The following TNIP1 variants were observed in gnomAD, a reference collection of about 807,000 sequenced individuals.
TNIP1 encodes the protein TNFAIP3-interacting protein 1.
TNIP1 carries 22 observed loss-of-function variants against 86.6 expected under a neutral mutation model. That is an observed-to-expected ratio of 0.25 (90% confidence interval 0.18 to 0.36). The LOEUF (loss-of-function observed/expected upper bound fraction) is 0.36, where lower values mean the gene tolerates loss of function less well. TNIP1 is among the 10% of genes least tolerant of loss of function. The pLI is 1.00. For synonymous variants in TNIP1, 294 were observed against 313.0 expected (o/e 0.94, Z 0.64); for missense variants, 709 against 820.6 (o/e 0.86, Z 1.66).
intron 1 of TNIP1, among the ~76,000 whole-genome samples, chr5:151,076,723 C>G (rs1763436524): frequency 6.6e-6 from 1 of 152,082 alleles, no homozygotes; most frequent in South Asian, 2.1e-4. Context: ...AAGGAAGAAC[C>G]CGGGCTGATG....
upstream of TNIP1, among the ~76,000 whole-genome samples, chr5:151,081,560 A>T (rs187753002): frequency 6.6e-6 from 1 of 152,198 alleles, no homozygotes. Context: ...TACCGCGAAC[A>T]TTTTTTGCTC....
chr5:151,035,849 C>T, intron 13 of TNIP1, 142 bp from the exon 14 acceptor site: 2 of 959,334 alleles, frequency 2.1e-6, no homozygotes, highest in South Asian at 3.3e-5. Context: ...AGCTACACCT[C>T]CAGCCTCCAC....
At chr5:151,042,985 C>G (rs754132997) in intron 9 of TNIP1, 24 bp from the exon 10 acceptor site, 2 of 1,613,296 alleles carry the variant, frequency 1.2e-6, no homozygotes, top group African/African-American at 2.7e-5. Context: ...CTGGAGTTAG[C>G]AGGAGATGAG....
chr5:151,070,872 A>G (rs1385182554), intron 1 of TNIP1, among the ~76,000 whole-genome samples: 1 of 152,002 alleles, frequency 6.6e-6, no homozygotes, highest in Admixed American at 6.5e-5. Flanking sequence ...GCCATTCCAC[A>G]TTTGTCCAAA....
chr5:151,062,299 G>T lies in TNIP1; in HGVS notation c.272-87C>A, dbSNP rs1449909796. 3 of 1,256,554 alleles carry T rather than the reference G, an allele frequency of 2.4e-6. No homozygotes were observed. The East Asian group carries it at 7.1e-5, about 30-fold the overall frequency. 77.8% of individuals were successfully genotyped at this position (1,256,554 alleles called of 1,614,324 possible). A position where few individuals can be genotyped will look rare whatever the true frequency, so the allele number is the denominator to read the frequency against. ...TCTCAAGGACAGCCCTTGACAAAAG[G>T]GTTCTCAGACAGGATTCCCCACTCG... On this transcript the variant is annotated intron_variant, in intron 3 of 17. Transcript: ENST00000521591.
chr5:151,035,082 G>A lies in TNIP1; in HGVS notation c.1522-15C>T. The A allele has an allele frequency of 1.2e-6, 2 of 1,612,544 alleles. No homozygotes were observed. The highest frequency in any genetic ancestry group is 1.7e-6 in the Non-Finnish European group (2 of 1,179,352). On this transcript the variant is annotated splice_polypyrimidine_tract_variant and intron_variant, in intron 14 of 17. Transcript: ENST00000521591. ...AATGCTTTTAGCTGAGAGAAGAAGG[G>A]AGGGAGAAAAGACTGTCGGCACAGG...
intron 16 of TNIP1, 196 bp downstream of exon 16, chr5:151,033,412 G>A: frequency 2.4e-6 from 1 of 423,734 alleles, no homozygotes; most frequent in Non-Finnish European, 4.2e-6. Context: ...CTGTGGGGCA[G>A]CCCTGCGGGA....
At position 151,056,930 on chromosome 5, in the gene TNIP1, C is replaced by T. The variant is rs529899060; in HGVS notation, c.463G>A (p.Gly155Ser). 16 of 1,569,060 alleles carry T rather than the reference C, an allele frequency of 1.0e-5. No homozygotes were observed. Among genetic ancestry groups the T allele is most frequent in the African/African-American group, 1.4e-5 (1 of 72,764 alleles). The change falls in exon 6 of 18, where the codon GGC (glycine) becomes AGC (serine). Residue 155 changes from glycine (G) to serine (S), a missense_variant. By Grantham distance (56) the Gly-to-Ser change is moderately conservative (BLOSUM62 0). Transcript: ENST00000521591. ...CGCTGCAGGTGCAGCATCAGGTTGC[C>T]GTCCTCACGGGGCAGGGGGCCCAGC... ...MALGPLPRED[G>S]NLMLHLQRLE...
chr5:151,075,417 G>A (rs537679225), intron 1 of TNIP1, among the ~76,000 whole-genome samples: 131 of 152,126 alleles, frequency 8.6e-4, no homozygotes, highest in African/African-American at 3.0e-3. Flanking sequence ...GGTATACTGC[G>A]TGATTTGGGT....
chr5:151,045,525 G>A (rs187298506), intron 9 of TNIP1, among the ~76,000 whole-genome samples: 184 of 152,266 alleles, frequency 1.2e-3, no homozygotes, highest in Admixed American at 0.011. Context: ...ACTCCTCATC[G>A]GTGATGCTAA....
At chr5:151,065,560 TACTC>T (rs1281687285) in intron 1 of TNIP1, among the ~76,000 whole-genome samples, 3 of 152,200 alleles carry the variant, frequency 2.0e-5, no homozygotes, top group Admixed American at 6.5e-5. Flanking sequence ...AATAAACACT[TACTC>T]AATTAATGGT....
At chr5:151,064,630 C>T (rs889962472) in intron 2 of TNIP1, among the ~76,000 whole-genome samples, 1 of 152,170 alleles carries the variant, frequency 6.6e-6, no homozygotes, top group Admixed American at 6.5e-5. Flanking sequence ...CTCCCCATCT[C>T]TCGTGCCCCA....
At position 151,055,228 on chromosome 5, in the gene TNIP1, GA is replaced by G. The variant is rs201594563; in HGVS notation, c.627+1537del. Among the ~76,000 whole-genome samples, 1,432 of 150,478 alleles carry G rather than the reference GA, an allele frequency of 9.5e-3. 27 individuals are homozygous for G. The highest frequency in any genetic ancestry group is 0.034 in the African/African-American group (1,376 of 41,008). ...GCTTACCTTCTAGCAGAGAGTATAA[GA>G]AAAAAAAGAGTATAAGAAAAAATGT... is the stretch of plus-strand genomic sequence containing the variant. On this transcript the variant is annotated intron_variant, in intron 6 of 17. Transcript: ENST00000521591.
intron 1 of TNIP1, among the ~76,000 whole-genome samples, chr5:151,071,128 A>G (rs1762779851): frequency 6.6e-6 from 1 of 152,188 alleles, no homozygotes; most frequent in African/African-American, 2.4e-5. Context: ...TTAATTTAAA[A>G]GAGAAAAGGA....
At chr5:151,064,152 G>C (rs1246705945) in intron 2 of TNIP1, among the ~76,000 whole-genome samples, 2 of 152,346 alleles carry the variant, frequency 1.3e-5, no homozygotes, top group East Asian at 1.9e-4. Flanking sequence ...GGAGACCTTG[G>C]ATAATTCCAA....
rs759806282 is a variant in TNIP1, at chr5:151,039,078, C to G, written c.1263+19G>C. The G allele has an allele frequency of 4.2e-5, 68 of 1,607,824 alleles. No individual in the cohort carries two copies. In the East Asian group the frequency reaches 1.5e-3, roughly 34 times the overall value. On this transcript the variant is annotated intron_variant, in intron 12 of 17. Coordinates refer to ENST00000521591, the MANE Select transcript of TNIP1 (RefSeq NM_006058.5). ...GACTCAAGGGAGCCCAGCCAAGGGA[C>G]CCGGGCCAAGGCACCCACCTTGTTG...
chr5:151,057,856 T>C (rs1760883040), intron 5 of TNIP1, among the ~76,000 whole-genome samples: 1 of 152,212 alleles, frequency 6.6e-6, no homozygotes. Flanking sequence ...ATTTAAAGTA[T>C]ATAGGAGGAT....
At chr5:151,047,936 C>A (rs1759391806) in intron 8 of TNIP1, among the ~76,000 whole-genome samples, 1 of 151,970 alleles carries the variant, frequency 6.6e-6, no homozygotes, top group Non-Finnish European at 1.5e-5. Flanking sequence ...TCTCAGCGTT[C>A]TCTTTCCAGC....
rs143191391 is a variant in TNIP1, at chr5:151,079,125, A to G, written c.-37+1755T>C. 2.9e-3 allele frequency among the ~76,000 whole-genome samples: 445 copies of G among 152,274 alleles called. 3 individuals carry two copies. The highest frequency in any genetic ancestry group is 0.01 in the African/African-American group (427 of 41,566). On this transcript the variant is annotated intron_variant, in intron 1 of 17. Coordinates refer to ENST00000521591, the MANE Select transcript of TNIP1 (RefSeq NM_006058.5). ...AGCGTGTAGAACACTGCACACTCCC[A>G]GCGGCAGCTTCCAGAGGGGCATGAT...
Sources: gnomAD v4.1 joint callset for allele counts (sites outside exome capture counted in the v4.1 genomes callset) on GRCh38, gnomAD v4.1.1 for gene constraint, MANE v1.5 for transcripts, NCBI Gene and HGNC (gene_info 2026-07-23, HGNC 2026-07-21) for gene names.